The following ZBTB37 variants were observed in gnomAD, a reference collection of about 807,000 sequenced individuals.
The protein encoded by ZBTB37 is zinc finger and BTB domain-containing protein 37.
Under a neutral mutation model 37.7 loss-of-function variants are expected in ZBTB37, and 15 were observed. The ratio of observed to expected loss-of-function variants is 0.40; its 90% CI spans 0.27 to 0.61. The LOEUF (loss-of-function observed/expected upper bound fraction) is 0.61, where lower values mean the gene tolerates loss of function less well. Ranked by LOEUF, ZBTB37 falls within the 20% of genes least tolerant of loss-of-function variation. The probability of loss-of-function intolerance (pLI) is 0.44; values close to 1 mark genes in which losing one functional copy is unlikely to be tolerated. For missense variants in ZBTB37, 514 were observed against 641.9 expected (o/e 0.80, Z 2.15); for synonymous variants, 231 against 220.6 (o/e 1.05, Z -0.42).
chr1:173,868,615 C>G (rs1655206164), intron 1 of ZBTB37: 1 of 152,482 alleles, frequency 6.6e-6, no homozygotes, highest in African/African-American at 2.4e-5. Context: ...GGGCCCCTCC[C>G]TCAGGACCCC....
At chr1:173,874,508 G>A (rs957899921) in intron 4 of ZBTB37, among the ~76,000 whole-genome samples, 26 of 151,632 alleles carry the variant, frequency 1.7e-4, no homozygotes, top group Non-Finnish European at 2.9e-5. Flanking sequence ...CTGCCACCAC[G>A]CCCGGCTAAT....
chr1:173,902,708 T>C (rs988933582), exon 4 of ZBTB37: 9 of 152,160 alleles, frequency 5.9e-5, no homozygotes, highest in African/African-American at 2.2e-4. Flanking sequence ...TCTTTCCCTT[T>C]ACCGAAAAAA....
chr1:173,881,503 A>T (rs1391090977), intron 4 of ZBTB37, among the ~76,000 whole-genome samples: 1 of 152,162 alleles, frequency 6.6e-6, no homozygotes, highest in East Asian at 1.9e-4. Flanking sequence ...TGGTATTTCT[A>T]GTTCTGGATC....
intron 4 of ZBTB37, among the ~76,000 whole-genome samples, chr1:173,880,143 C>T (rs759419330): frequency 1.4e-3 from 208 of 152,268 alleles, no homozygotes; most frequent in Non-Finnish European, 2.2e-3. Flanking sequence ...TTTGAGAGAC[C>T]ACGTTTTCTT....
At chr1:173,885,949 A>T in exon 5 of ZBTB37, 1 of 1,551,782 alleles carries the variant, frequency 6.4e-7, no homozygotes, top group Non-Finnish European at 8.7e-7. Flanking sequence ...ATCTTGAATC[A>T]GCACTTTCGC....
At chr1:173,900,673 G>A (rs1299974811) in exon 4 of ZBTB37, 1 of 152,242 alleles carries the variant, frequency 6.6e-6, no homozygotes, top group Non-Finnish European at 1.5e-5. Context: ...CAAGGAGAAA[G>A]TTGGTTAGTG....
At chr1:173,877,896 A>G (rs1656072858) in intron 4 of ZBTB37, among the ~76,000 whole-genome samples, 2 of 152,220 alleles carry the variant, frequency 1.3e-5, no homozygotes, top group South Asian at 4.1e-4. Flanking sequence ...TTAAACTGGA[A>G]CACACTAATA....
At chr1:173,870,842 A>G (rs776101065) in exon 3 of ZBTB37, 18 of 1,614,142 alleles carry the variant, frequency 1.1e-5, no homozygotes, top group Non-Finnish European at 1.4e-5. Context: ...TCTGATGTAG[A>G]GAGCCGGGAG....
At chr1:173,896,238 T>C (rs370887182) in exon 4 of ZBTB37, 6 of 152,214 alleles carry the variant, frequency 3.9e-5, no homozygotes, top group African/African-American at 1.4e-4. Context: ...TATTTTTTTT[T>C]CCAGTTCATT....
chr1:173,876,790 A>G (rs970753650), intron 4 of ZBTB37, among the ~76,000 whole-genome samples: 1 of 152,198 alleles, frequency 6.6e-6, no homozygotes, highest in African/African-American at 2.4e-5. Flanking sequence ...CAAATATGGT[A>G]TGATAGCAAT....
At chr1:173,893,344 C>T (rs890387235) in exon 4 of ZBTB37, 14 of 152,184 alleles carry the variant, frequency 9.2e-5, no homozygotes, top group African/African-American at 3.1e-4. Context: ...TCTATGAAAT[C>T]ACCTGTCTGC....
exon 4 of ZBTB37, chr1:173,897,872 T>C (rs1009170534): frequency 2.0e-5 from 3 of 152,216 alleles, no homozygotes; most frequent in South Asian, 2.1e-4. Context: ...GAAATTCTTA[T>C]CATGTTCAGA....
chr1:173,881,185 A>G (rs1366951507), intron 4 of ZBTB37, among the ~76,000 whole-genome samples: 1 of 149,964 alleles, frequency 6.7e-6, no homozygotes, highest in Non-Finnish European at 1.5e-5. Flanking sequence ...ATTCCCACCT[A>G]TGAGTGAGAA....
exon 4 of ZBTB37, chr1:173,901,531 C>T (rs1024733191): frequency 6.6e-6 from 1 of 151,636 alleles, no homozygotes; most frequent in Non-Finnish European, 1.5e-5. Context: ...TCCCAAGTAG[C>T]TGGAACTACA....
intron 4 of ZBTB37, among the ~76,000 whole-genome samples, chr1:173,874,122 G>A (rs1391663288): frequency 6.6e-6 from 1 of 151,778 alleles, no homozygotes; most frequent in Non-Finnish European, 1.5e-5. Flanking sequence ...AGGCATGGTG[G>A]CACGTGCCCG....
At chr1:173,873,429 C>T (rs1481062132) in intron 3 of ZBTB37, 38 bp from the exon 4 acceptor site, 1 of 1,542,864 alleles carries the variant, frequency 6.5e-7, no homozygotes, top group Non-Finnish European at 8.8e-7. Flanking sequence ...TTTGATGCTG[C>T]TTTTGTATTA....
At chr1:173,877,373 CTTTT>C (rs58043559) in intron 4 of ZBTB37, among the ~76,000 whole-genome samples, 1 of 87,776 alleles carries the variant, frequency 1.1e-5, no homozygotes, top group Non-Finnish European at 2.3e-5. Context: ...GATTTTCTTT[CTTTT>C]TTTTTTTTTT....
At chr1:173,872,832 T>TC (rs11370532) in intron 3 of ZBTB37, among the ~76,000 whole-genome samples, 152,029 of 152,038 alleles carry the variant, frequency 1, 76,010 homozygotes, top group Middle Eastern at 1. Context: ...ACATGGTGAA[T>TC]CCCATCTCTA....
intron 4 of ZBTB37, 109 bp from the exon 5 acceptor site, chr1:173,885,527 T>C: frequency 1.0e-5 from 10 of 961,486 alleles, no homozygotes; most frequent in Non-Finnish European, 1.4e-5. Context: ...GATCCGCCAC[T>C]AAAAAGGTAC....
Sources: allele counts gnomAD v4.1 joint callset (sites outside exome capture counted in the v4.1 genomes callset), GRCh38; gene constraint gnomAD v4.1.1; transcripts MANE v1.5; gene names NCBI Gene and HGNC (gene_info 2026-07-23, HGNC 2026-07-21).